Variants in RBFOX1 observed in about 807,000 individuals in gnomAD.
The protein encoded by RBFOX1 is RNA binding protein fox-1 homolog 1.
In RBFOX1, 8 loss-of-function variants were observed where a neutral mutation model predicts 57.7. The observed-to-expected ratio is 0.14, with a 90% CI of 0.08 to 0.25. The LOEUF is 0.25. Ranked by LOEUF, RBFOX1 falls within the 10% of genes least tolerant of loss-of-function variation. The probability of loss-of-function intolerance (pLI) is 1.00; values close to 1 mark genes in which losing one functional copy is unlikely to be tolerated. For synonymous variants in RBFOX1, 326 were observed against 222.4 expected (o/e 1.47, Z -4.15); for missense variants, 611 against 548.5 (o/e 1.11, Z -1.14).
At chr16:6,699,698 A>G (rs966740204) in intron 3 of RBFOX1, among the ~76,000 whole-genome samples, 1 of 152,186 alleles carries the variant, frequency 6.6e-6, no homozygotes, top group African/African-American at 2.4e-5. Flanking sequence ...GGGTTAACAC[A>G]GAAGGACATA....
chr16:6,933,990 C>G (rs2076972639), intron 3 of RBFOX1, among the ~76,000 whole-genome samples: 2 of 152,304 alleles, frequency 1.3e-5, no homozygotes, highest in East Asian at 1.9e-4. Flanking sequence ...CTCATCCTCT[C>G]AGCCCACCAG....
At chr16:6,241,017 C>T (rs888180517) in intron 1 of RBFOX1, among the ~76,000 whole-genome samples, 3 of 152,132 alleles carry the variant, frequency 2.0e-5, no homozygotes, top group African/African-American at 7.2e-5. Context: ...ATCAATACTT[C>T]GCATTCATAA....
intron 1 of RBFOX1, among the ~76,000 whole-genome samples, chr16:6,118,008 A>G (rs567787229): frequency 6.6e-6 from 1 of 152,352 alleles, no homozygotes; most frequent in South Asian, 2.1e-4. Context: ...GCTGTAAATA[A>G]TTTAAAAATT....
At position 7,393,313 on chromosome 16, in the gene RBFOX1, G is replaced by A. The variant is rs116893230; in HGVS notation, c.28-124834G>A. ...TTAAGTTTGTGTCTGGGAAGATGGG[G>A]TACTTGATTGGCAAGATGCTCGTCA... On this transcript the variant is annotated intron_variant, in intron 4 of 15. Coordinates refer to ENST00000550418, the MANE Select transcript of RBFOX1 (RefSeq NM_018723.4). Among the ~76,000 whole-genome samples the A allele has an allele frequency of 4.9e-3, 744 of 152,288 alleles. 3 individuals are homozygous for A. The highest frequency in any genetic ancestry group is 8.5e-3 in the Non-Finnish European group (581 of 68,038).
At chr16:5,282,425 T>G (rs1271663934) in intron 1 of RBFOX1, among the ~76,000 whole-genome samples, 2 of 152,142 alleles carry the variant, frequency 1.3e-5, no homozygotes, top group South Asian at 4.1e-4. Context: ...CAGGCAGAGG[T>G]TGGAACAGTT....
intron 2 of RBFOX1, among the ~76,000 whole-genome samples, chr16:6,637,390 T>TAATATATAAA (rs1567986799): frequency 5.2e-4 from 6 of 11,630 alleles, no homozygotes; most frequent in African/African-American, 9.5e-4. Flanking sequence ...CAAATATATA[T>TAATATATAAA]TATATATTAA....
At chr16:6,560,745 G>T (rs188414807) in intron 2 of RBFOX1, among the ~76,000 whole-genome samples, 35 of 152,330 alleles carry the variant, frequency 2.3e-4, no homozygotes, top group African/African-American at 8.2e-4. Flanking sequence ...CTGTGTACTT[G>T]TGTGATTATG....
At chr16:6,477,636 C>T (rs1056009906) in intron 2 of RBFOX1, among the ~76,000 whole-genome samples, 1 of 152,132 alleles carries the variant, frequency 6.6e-6, no homozygotes, top group African/African-American at 2.4e-5. Context: ...GTAAATGAGC[C>T]TTGCTTTCAA....
intron 3 of RBFOX1, among the ~76,000 whole-genome samples, chr16:5,831,210 G>A (rs2056258980): frequency 6.6e-6 from 1 of 152,060 alleles, no homozygotes; most frequent in Non-Finnish European, 1.5e-5. Context: ...GAACTGTTTG[G>A]ATCATGGGGG....
intron 7 of RBFOX1, among the ~76,000 whole-genome samples, chr16:7,591,515 C>A (rs879635338): frequency 1.3e-5 from 2 of 152,118 alleles, no homozygotes; most frequent in African/African-American, 2.4e-5. Context: ...GTATGATTTG[C>A]GAAAATATTT....
chr16:6,961,993 G>C (rs2153549601), intron 3 of RBFOX1, among the ~76,000 whole-genome samples: 1 of 152,210 alleles, frequency 6.6e-6, no homozygotes, highest in African/African-American at 2.4e-5. Context: ...TGGGAATACA[G>C]CTCAGTAGCT....
chr16:5,273,664 G>A (rs1042721800), intron 1 of RBFOX1, among the ~76,000 whole-genome samples: 13 of 152,126 alleles, frequency 8.5e-5, no homozygotes, highest in South Asian at 2.1e-4. Context: ...TTGTGAGTTC[G>A]CATGCATAGT....
At chr16:5,909,855 C>G (rs903453454) in intron 4 of RBFOX1, among the ~76,000 whole-genome samples, 1 of 152,022 alleles carries the variant, frequency 6.6e-6, no homozygotes, top group Non-Finnish European at 1.5e-5. Context: ...AGTTTCGAGA[C>G]CAGCCTGACC....
At chr16:6,876,658 C>G (rs144782170) in intron 3 of RBFOX1, among the ~76,000 whole-genome samples, 158 of 152,106 alleles carry the variant, frequency 1.0e-3, no homozygotes, top group South Asian at 1.9e-3. Flanking sequence ...CATTTCTCAC[C>G]TAGGGTTCTA....
intron 3 of RBFOX1, among the ~76,000 whole-genome samples, chr16:6,954,463 AAACTC>A (rs1406004859): frequency 6.6e-6 from 1 of 152,200 alleles, no homozygotes; most frequent in Non-Finnish European, 1.5e-5. Context: ...AGCAGGAACA[AAACTC>A]AGTTTAAAAC....
chr16:7,217,391 A>G (rs1444783486), intron 4 of RBFOX1, among the ~76,000 whole-genome samples: 1 of 147,546 alleles, frequency 6.8e-6, no homozygotes, highest in East Asian at 2.0e-4. Flanking sequence ...GGCCTCCCAA[A>G]GTGCTGGGAT....
At chr16:7,000,586 C>CTTTTTTTTTTTT (rs149516490) in intron 3 of RBFOX1, among the ~76,000 whole-genome samples, 11 of 95,832 alleles carry the variant, frequency 1.1e-4, no homozygotes, top group African/African-American at 3.7e-4. Context: ...TTTTTTCTTT[C>CTTTTTTTTTTTT]TTTTTCTTTC....
intron 3 of RBFOX1, among the ~76,000 whole-genome samples, chr16:6,801,627 C>G (rs1227360842): frequency 6.6e-6 from 1 of 151,784 alleles, no homozygotes; most frequent in Non-Finnish European, 1.5e-5. Context: ...CATCAGGAGA[C>G]AGCTAATTGG....
intron 3 of RBFOX1, among the ~76,000 whole-genome samples, chr16:6,894,894 G>T (rs996592368): frequency 1.3e-5 from 2 of 152,160 alleles, no homozygotes; most frequent in East Asian, 3.9e-4. Flanking sequence ...TAAGTAGCAT[G>T]TGGCTTTCTC....
Sources: allele counts gnomAD v4.1 joint callset (sites outside exome capture counted in the v4.1 genomes callset), GRCh38; gene constraint gnomAD v4.1.1; transcripts MANE v1.5; gene names NCBI Gene and HGNC (gene_info 2026-07-23, HGNC 2026-07-21).